RANGAP1: variants seen among roughly 807,000 people sequenced by gnomAD.
RANGAP1 encodes ran GTPase-activating protein 1.
In RANGAP1, 38 loss-of-function variants were observed where a neutral mutation model predicts 63.5. The observed-to-expected ratio is 0.60, with a 90% CI of 0.46 to 0.78. The LOEUF (loss-of-function observed/expected upper bound fraction) is 0.78, where lower values mean the gene tolerates loss of function less well. Ranked by LOEUF, RANGAP1 falls within the 30% of genes least tolerant of loss-of-function variation. RANGAP1 has a pLI of 0.00. For synonymous variants in RANGAP1, 329 were observed against 310.5 expected, an observed-to-expected ratio of 1.06 and a Z score of -0.63; for missense variants, 630 against 740.3, an observed-to-expected ratio of 0.85 and a Z score of 1.73.
intron 3 of RANGAP1, among the ~76,000 whole-genome samples, chr22:41,269,413 TTTACA>T (rs1347335720): frequency 2.0e-5 from 3 of 152,046 alleles, no homozygotes; most frequent in Non-Finnish European, 4.4e-5. Context: ...GTAACTATTG[TTTACA>T]TTAATCTATT....
At chr22:41,299,973 G>A in the RANGAP1 span, among the ~76,000 whole-genome samples, 2 of 151,392 alleles carry the variant, frequency 1.3e-5, no homozygotes, top group African/African-American at 2.4e-5. Flanking sequence ...GGATGGTCTC[G>A]ATCTCCTGAC....
At chr22:41,289,116 T>G (rs2035807314), upstream of RANGAP1, among the ~76,000 whole-genome samples, 1 of 151,246 alleles carries the variant, frequency 6.6e-6, no homozygotes, top group Non-Finnish European at 1.5e-5. Flanking sequence ...AGAGACGGTT[T>G]CACCATATTG....
At chr22:41,250,232 C>T (rs557869644) in intron 13 of RANGAP1, among the ~76,000 whole-genome samples, 6 of 152,200 alleles carry the variant, frequency 3.9e-5, no homozygotes, top group African/African-American at 1.4e-4. Context: ...AACTTGTTCC[C>T]AAAAATGCCC....
At chr22:41,269,466 G>C (rs1385181882) in intron 3 of RANGAP1, among the ~76,000 whole-genome samples, 1 of 152,098 alleles carries the variant, frequency 6.6e-6, no homozygotes, top group African/African-American at 2.4e-5. Flanking sequence ...CGGGCATGGT[G>C]GCTCACACCT....
intron 2 of RANGAP1, among the ~76,000 whole-genome samples, chr22:41,277,800 T>G (rs989438807): frequency 2.0e-4 from 31 of 152,176 alleles, no homozygotes; most frequent in African/African-American, 7.2e-4. Context: ...AAAGTAAAAG[T>G]GAGACCTCTC....
chr22:41,294,105 G>A, the RANGAP1 span, among the ~76,000 whole-genome samples: 5 of 152,108 alleles, frequency 3.3e-5, no homozygotes, highest in Admixed American at 6.6e-5. Flanking sequence ...ATGCCGAGCC[G>A]AAGCTGGACG....
At chr22:41,279,734 A>G (rs1005240411) in intron 2 of RANGAP1, among the ~76,000 whole-genome samples, 5 of 151,556 alleles carry the variant, frequency 3.3e-5, no homozygotes, top group Admixed American at 6.6e-5. Flanking sequence ...CCTGGGAGAC[A>G]GAAGTTGCAA....
intron 2 of RANGAP1, among the ~76,000 whole-genome samples, chr22:41,276,646 CAAACA>C (rs2035162754): frequency 6.7e-6 from 1 of 149,812 alleles, no homozygotes; most frequent in Non-Finnish European, 1.5e-5. Context: ...TTTCAAAAAA[CAAACA>C]AAACAAAATG....
At chr22:41,269,071 G>A (rs762227075) in intron 3 of RANGAP1, among the ~76,000 whole-genome samples, 1 of 152,124 alleles carries the variant, frequency 6.6e-6, no homozygotes, top group Non-Finnish European at 1.5e-5. Context: ...TTACATGAAA[G>A]TTTGCTGTTT....
chr22:41,297,195 G>C, the RANGAP1 span, among the ~76,000 whole-genome samples: 2 of 152,168 alleles, frequency 1.3e-5, no homozygotes, highest in Non-Finnish European at 2.9e-5. Flanking sequence ...CTGGACAACA[G>C]AGCAAGACTC....
In RANGAP1 at chr22:41,256,590, G is replaced by A. The variant is rs575268983; in HGVS notation, c.888+121C>T. 105 of 831,316 alleles carry A rather than the reference G, an allele frequency of 1.3e-4. 1 individual carries two copies. The highest frequency in any genetic ancestry group is 4.6e-4 in the Admixed American group (19 of 41,144). The allele number at this position is 831,316 out of a possible 1,614,324, so 51.5% of individuals were successfully genotyped here. The stretch of plus-strand genomic sequence containing the variant: ...AGGCTCACACAGCATCACAGGGCCC[G>A]AAGTGGAGGAGCTGGGATATGGACA... On this transcript the variant is annotated intron_variant, in intron 8 of 15. Coordinates refer to ENST00000356244, the MANE Select transcript of RANGAP1 (RefSeq NM_002883.4).
the RANGAP1 span, among the ~76,000 whole-genome samples, chr22:41,300,949 T>A: frequency 0.011 from 1,731 of 152,248 alleles, 28 homozygotes; most frequent in African/African-American, 0.04. Context: ...TCCTTCCTCA[T>A]AAATTCCCAG....
intron 2 of RANGAP1, among the ~76,000 whole-genome samples, chr22:41,278,959 G>A (rs937113153): frequency 6.6e-6 from 1 of 152,010 alleles, no homozygotes; most frequent in Non-Finnish European, 1.5e-5. Context: ...TAACTAACAC[G>A]GTGAAACCCC....
At chr22:41,250,858 G>T in intron 13 of RANGAP1, 149 bp downstream of exon 13, 1 of 635,104 alleles carries the variant, frequency 1.6e-6, no homozygotes. Context: ...CTCCACGGCA[G>T]GACCCTGACG....
chr22:41,298,282 T>A, the RANGAP1 span, among the ~76,000 whole-genome samples: 1,450 of 152,234 alleles, frequency 9.5e-3, 18 homozygotes, highest in Middle Eastern at 0.017. Context: ...ATTACAGGCG[T>A]GAGCCACAGC....
intron 6 of RANGAP1, among the ~76,000 whole-genome samples, chr22:41,259,221 G>A (rs2034021702): frequency 6.6e-6 from 1 of 152,156 alleles, no homozygotes; most frequent in Non-Finnish European, 1.5e-5. Context: ...AGGACTGAGG[G>A]TTGGCCTGGC....
At chr22:41,284,175 A>AG (rs2145861514) in intron 1 of RANGAP1, among the ~76,000 whole-genome samples, 1 of 152,220 alleles carries the variant, frequency 6.6e-6, no homozygotes, top group East Asian at 1.9e-4. Context: ...TGAACCCGGT[A>AG]GGTGGAGCTT....
intron 14 of RANGAP1, 23 bp downstream of exon 14, chr22:41,249,706 C>A: frequency 6.3e-7 from 1 of 1,598,876 alleles, no homozygotes; most frequent in Non-Finnish European, 8.6e-7. Flanking sequence ...CCCTCCCGGG[C>A]CTGCTGTTCC....
Position 41,280,980 on chromosome 22 carries a change from T to C in RANGAP1, c.65A>G (p.Gln22Arg), listed in dbSNP as rs780229698. 1.7e-5 allele frequency: 28 copies of C among 1,613,806 alleles called. No individual in the cohort carries two copies. Among genetic ancestry groups the C allele is most frequent in the Non-Finnish European group, 2.1e-5 (25 of 1,179,984 alleles). Residue 22 changes from glutamine (Q) to arginine (R), a missense_variant, in exon 2 of 16, where the codon CAG becomes CGG. By Grantham distance (43) the Gln-to-Arg change is conservative. Transcript: ENST00000356244. Reference protein sequence around the residue: ...TLAKTQVAGGQLSFKGKSLKL... With the variant: ...TLAKTQVAGGRLSFKGKSLKL... ...GAGGCTCTTGCCTTTGAAACTCAGC[T>C]GTCCCCCGGCCACCTGAGTCTTGGC... is the stretch of plus-strand genomic sequence containing the variant.
Sources: gnomAD v4.1 joint callset for allele counts (sites outside exome capture counted in the v4.1 genomes callset) on GRCh38, gnomAD v4.1.1 for gene constraint, MANE v1.5 for transcripts, NCBI Gene and HGNC (gene_info 2026-07-23, HGNC 2026-07-21) for gene names.